SOX5: variants seen among roughly 807,000 people sequenced by gnomAD.
SOX5 encodes SRY-box transcription factor 5.
SOX5 carries 9 observed loss-of-function variants against 92.0 expected under a neutral mutation model. The observed-to-expected ratio is 0.10, with a 90% CI of 0.06 to 0.17. The LOEUF (loss-of-function observed/expected upper bound fraction) is 0.17. Among genes scored for constraint, SOX5 ranks in the 10% least tolerant of loss-of-function variants. SOX5 has a pLI of 1.00. For missense variants in SOX5, 642 were observed against 944.5 expected (o/e 0.68, Z 4.20); for synonymous variants, 344 against 336.3 (o/e 1.02, Z -0.25).
At chr12:24,412,347 T>G (rs1964256938) in intron 1 of SOX5, among the ~76,000 whole-genome samples, 1 of 152,002 alleles carries the variant, frequency 6.6e-6, no homozygotes, top group Non-Finnish European at 1.5e-5. Context: ...CAGCTCTTCT[T>G]TAGGTTCTTG....
chr12:23,874,216 C>A (rs527990240), intron 2 of SOX5, among the ~76,000 whole-genome samples: 2 of 152,206 alleles, frequency 1.3e-5, no homozygotes, highest in African/African-American at 4.8e-5. Context: ...ATGGTATTTC[C>A]TCATCTAAAT....
At chr12:23,551,695 A>G (rs545937782) in intron 11 of SOX5, among the ~76,000 whole-genome samples, 1 of 151,992 alleles carries the variant, frequency 6.6e-6, no homozygotes, top group Non-Finnish European at 1.5e-5. Flanking sequence ...TCCATTGAGA[A>G]TTATAGTGAG....
At chr12:24,032,327 A>C (rs951468372) in intron 4 of SOX5, among the ~76,000 whole-genome samples, 1 of 151,818 alleles carries the variant, frequency 6.6e-6, no homozygotes, top group Non-Finnish European at 1.5e-5. Flanking sequence ...CTTATCTTAA[A>C]ATTTCATAAA....
chr12:23,848,176 A>G (rs918012532), intron 2 of SOX5, among the ~76,000 whole-genome samples: 8 of 152,120 alleles, frequency 5.3e-5, no homozygotes, highest in African/African-American at 1.9e-4. Context: ...CTTTCACATT[A>G]TATGATGACA....
chr12:24,384,440 G>A lies in SOX5; in HGVS notation c.-250-15801C>T, dbSNP rs577597675. On this transcript the variant is annotated intron_variant, in intron 1 of 4. Transcript: ENST00000446891. ...CTCCTGCCTTATGGTACCTCACAATGTGCCCAAAGCATAAGAATCATAGTG... is the reference window on the plus strand; with the variant it reads ...CTCCTGCCTTATGGTACCTCACAATATGCCCAAAGCATAAGAATCATAGTG... 3.9e-5 allele frequency among the ~76,000 whole-genome samples: 6 copies of A among 152,186 alleles called. No homozygotes were observed. In the South Asian group the frequency reaches 1.0e-3, roughly 26 times the overall value.
intron 9 of SOX5, among the ~76,000 whole-genome samples, chr12:23,591,806 G>C (rs781271506): frequency 1.3e-5 from 2 of 152,098 alleles, no homozygotes; most frequent in African/African-American, 2.4e-5. Flanking sequence ...TCCTGTTGCT[G>C]TCACAATGCT....
At chr12:23,800,305 T>C (rs541874233) in intron 3 of SOX5, among the ~76,000 whole-genome samples, 43 of 152,280 alleles carry the variant, frequency 2.8e-4, no homozygotes, top group Non-Finnish European at 2.4e-4. Flanking sequence ...GGTATAGTGA[T>C]ACTTTCTTAA....
intron 3 of SOX5, among the ~76,000 whole-genome samples, chr12:24,251,181 T>C (rs897471525): frequency 6.6e-6 from 1 of 152,192 alleles, no homozygotes; most frequent in African/African-American, 2.4e-5. Flanking sequence ...TAAATACAGA[T>C]CTTCATTATT....
chr12:24,223,780 A>G (rs1222333791), intron 3 of SOX5, among the ~76,000 whole-genome samples: 3 of 151,912 alleles, frequency 2.0e-5, no homozygotes, highest in Admixed American at 6.6e-5. Flanking sequence ...CAAAAACAAA[A>G]AACAACAAAC....
At chr12:23,828,586 T>C (rs2096268397) in intron 3 of SOX5, among the ~76,000 whole-genome samples, 1 of 152,162 alleles carries the variant, frequency 6.6e-6, no homozygotes, top group Admixed American at 6.5e-5. Context: ...TCATAAAAGT[T>C]TGTGTTCAAA....
intron 4 of SOX5, among the ~76,000 whole-genome samples, chr12:24,091,326 T>C (rs537411156): frequency 8.5e-4 from 130 of 152,336 alleles, no homozygotes; most frequent in African/African-American, 2.9e-3. Flanking sequence ...TCATTGGTGT[T>C]TTTCTACTTA....
At chr12:23,927,643 C>A (rs1409940495) in intron 1 of SOX5, among the ~76,000 whole-genome samples, 2 of 151,948 alleles carry the variant, frequency 1.3e-5, no homozygotes, top group African/African-American at 4.8e-5. Flanking sequence ...AGTTTAAGGA[C>A]AAGTTATACC....
intron 1 of SOX5, among the ~76,000 whole-genome samples, chr12:24,489,594 AATCTTC>A (rs1328937876): frequency 6.6e-6 from 1 of 151,794 alleles, no homozygotes; most frequent in Non-Finnish European, 1.5e-5. Flanking sequence ...ACTTGACAAA[AATCTTC>A]ATGCTTCCAA....
chr12:23,574,470 T>C (rs1948823752), intron 10 of SOX5, among the ~76,000 whole-genome samples: 1 of 152,230 alleles, frequency 6.6e-6, no homozygotes, highest in Admixed American at 6.5e-5. Context: ...TTCAAAATTC[T>C]AGTTTCCTGT....
chr12:23,617,207 A>C (rs1300903893), intron 8 of SOX5, among the ~76,000 whole-genome samples: 2 of 151,756 alleles, frequency 1.3e-5, no homozygotes, highest in East Asian at 3.9e-4. Context: ...CAGAAATGAA[A>C]TTTTCTGCCT....
intron 4 of SOX5, among the ~76,000 whole-genome samples, chr12:23,960,909 A>T (rs4963732): frequency 0.055 from 8,407 of 151,946 alleles, 567 homozygotes; most frequent in East Asian, 0.23. Context: ...TGAGATTAAA[A>T]CTTTTCACTG....
At chr12:23,901,010 CA>C (rs1568791474) in intron 1 of SOX5, among the ~76,000 whole-genome samples, 1 of 152,048 alleles carries the variant, frequency 6.6e-6, no homozygotes. Context: ...CTCCCCAAAC[CA>C]AGATGTCCAG....
At chr12:23,740,723 T>C (rs2093764752) in intron 5 of SOX5, 144 bp downstream of exon 5, 2 of 676,938 alleles carry the variant, frequency 3.0e-6, no homozygotes, top group African/African-American at 1.8e-5. Flanking sequence ...TTTTGTTTTG[T>C]TTTGCTTTTT....
chr12:24,172,617 A>T (rs944434497), intron 4 of SOX5, among the ~76,000 whole-genome samples: 2 of 152,140 alleles, frequency 1.3e-5, no homozygotes, highest in African/African-American at 4.8e-5. Context: ...GAAAGAGGGA[A>T]ATTAGTGAGA....
Sources: allele counts gnomAD v4.1 joint callset (sites outside exome capture counted in the v4.1 genomes callset), GRCh38; gene constraint gnomAD v4.1.1; transcripts MANE v1.5; gene names NCBI Gene and HGNC (gene_info 2026-07-23, HGNC 2026-07-21).